The following MLLT1 variants were observed in gnomAD, a reference collection of about 807,000 sequenced individuals.
MLLT1 encodes the protein MLLT1 super elongation complex subunit.
A neutral mutation model predicts 55.1 loss-of-function variants in MLLT1; 11 were observed. That is an observed-to-expected ratio of 0.20 (90% confidence interval 0.13 to 0.33). The LOEUF (loss-of-function observed/expected upper bound fraction) is 0.33, where lower values mean the gene tolerates loss of function less well. Among genes scored for constraint, MLLT1 ranks in the 10% least tolerant of loss-of-function variants. The pLI, the probability that MLLT1 is intolerant of heterozygous loss-of-function variation, is 1.00. For synonymous variants in MLLT1, 323 were observed against 320.1 expected (o/e 1.01, Z -0.10); for missense variants, 536 against 760.6 (o/e 0.70, Z 3.47).
In MLLT1 at chr19:6,219,192, G is replaced by A. The variant is rs1336771245; in HGVS notation, c.1111-1151C>T. 4.6e-5 allele frequency among the ~76,000 whole-genome samples: 7 copies of A among 152,122 alleles called. No individual in the cohort carries two copies. The East Asian group carries it at 7.7e-4, about 17-fold the overall frequency. On this transcript the variant is annotated intron_variant, in intron 6 of 11. Transcript: ENST00000252674. This position sits in a 1 kb window ranked among gnomAD's most constrained non-coding sequence, Gnocchi z 4.5. Reference sequence around the variant, plus strand: ...CCAAGCAGCAGGTCCAGACTCACCCGTGCCTGAGAGGGAAGAGGGACTTCC... The same window carrying A: ...CCAAGCAGCAGGTCCAGACTCACCCATGCCTGAGAGGGAAGAGGGACTTCC...
At chr19:6,274,178 C>T (rs999741591) in intron 1 of MLLT1, among the ~76,000 whole-genome samples, 15 of 152,328 alleles carry the variant, frequency 9.8e-5, no homozygotes, top group Middle Eastern at 3.4e-3. Flanking sequence ...GACTGTGGAG[C>T]GCTGAGGGGG....
rs116275811 is a variant in MLLT1, at chr19:6,276,909, G to A, written c.12+2864C>T. 7.1e-4 allele frequency among the ~76,000 whole-genome samples: 108 copies of A among 152,282 alleles called. 1 individual carries two copies. The highest frequency in any genetic ancestry group is 2.6e-3 in the African/African-American group (107 of 41,542). ...GAAGCTGGGAGCCCAGAGCACAGTG[G>A]GAAATCCTGCTTCTTAGGGGGGTCT... On this transcript the variant is annotated intron_variant, in intron 1 of 11. Coordinates refer to ENST00000252674, the MANE Select transcript of MLLT1 (RefSeq NM_005934.4).
intron 2 of MLLT1, among the ~76,000 whole-genome samples, chr19:6,264,929 GAA>G (rs201284176): frequency 9.3e-6 from 1 of 107,364 alleles, no homozygotes. Flanking sequence ...ATCCCAGAAA[GAA>G]AAAAAGAGAG....
intron 3 of MLLT1, among the ~76,000 whole-genome samples, chr19:6,258,010 A>G (rs1172483213): frequency 6.6e-6 from 1 of 152,220 alleles, no homozygotes; most frequent in Non-Finnish European, 1.5e-5. Context: ...GGATCTGGAG[A>G]AACAGGAACC....
intron 3 of MLLT1, among the ~76,000 whole-genome samples, chr19:6,247,876 T>C (rs2091182235): frequency 6.8e-6 from 1 of 147,346 alleles, no homozygotes. Context: ...CATTTTGGTG[T>C]TTTGTTTGTT....
chr19:6,225,995 T>A (rs4807065), intron 5 of MLLT1, among the ~76,000 whole-genome samples: 45,221 of 152,098 alleles, frequency 0.3, 7,939 homozygotes, highest in African/African-American at 0.48. Context: ...ACTCAGAGAA[T>A]CTGGCAAGTC....
At chr19:6,238,576 G>C (rs1174072836) in intron 3 of MLLT1, among the ~76,000 whole-genome samples, 2 of 152,360 alleles carry the variant, frequency 1.3e-5, no homozygotes, top group African/African-American at 4.8e-5. Context: ...GAATTAAATA[G>C]ATAAGCTTGG....
chr19:6,237,590 T>A, intron 3 of MLLT1, among the ~76,000 whole-genome samples: 1 of 139,210 alleles, frequency 7.2e-6, no homozygotes. Context: ...ACCCCATCTC[T>A]ACTAAAAATA....
Position 6,270,661 on chromosome 19 carries a change from G to A in MLLT1, c.111C>T (p.Arg37=), listed in dbSNP as rs763983117. The change falls in exon 2 of 12, where the codon CGC becomes CGT. Residue 37 remains arginine (R), a synonymous_variant. Transcript: ENST00000252674. This position sits in a 1 kb window ranked among gnomAD's most constrained non-coding sequence, Gnocchi z 7.1. ...GFTHDWMVFV[R]GPEQCDIQHF... is the part of the protein sequence containing the mutation. Reference sequence around the variant, plus strand: ...GCTGGATGTCACATTGCTCGGGGCCGCGGACAAACACCATCCAGTCGTGAG... The same window carrying A: ...GCTGGATGTCACATTGCTCGGGGCCACGGACAAACACCATCCAGTCGTGAG... The A allele has an allele frequency of 4.7e-5, 76 of 1,613,882 alleles. No homozygotes were observed. The highest frequency in any genetic ancestry group is 1.2e-4 in the Admixed American group (7 of 60,004).
intron 3 of MLLT1, among the ~76,000 whole-genome samples, chr19:6,239,449 C>T (rs2091094574): frequency 6.6e-6 from 1 of 152,176 alleles, no homozygotes; most frequent in South Asian, 2.1e-4. Flanking sequence ...CGACATGGAC[C>T]CTGGCCAGAA....
At chr19:6,252,459 A>G (rs1257106989) in intron 3 of MLLT1, among the ~76,000 whole-genome samples, 1 of 152,110 alleles carries the variant, frequency 6.6e-6, no homozygotes, top group South Asian at 2.1e-4. Flanking sequence ...TTGTCTGGAG[A>G]AAAAACCCCA....
chr19:6,275,586 C>T (rs1177210847), intron 1 of MLLT1, among the ~76,000 whole-genome samples: 2 of 152,204 alleles, frequency 1.3e-5, no homozygotes, highest in Non-Finnish European at 2.9e-5. Flanking sequence ...GAGCTGCCCA[C>T]CCAGAAGGCA....
chr19:6,248,367 T>C (rs1256818977), intron 3 of MLLT1, among the ~76,000 whole-genome samples: 2 of 152,204 alleles, frequency 1.3e-5, no homozygotes, highest in Admixed American at 6.5e-5. Context: ...GGTTAATTCC[T>C]CTCCCTTGAG....
In MLLT1 at chr19:6,273,782, A is replaced by T. The variant is rs921942200; in HGVS notation, c.13-3023T>A. 6.6e-6 allele frequency among the ~76,000 whole-genome samples: 1 copy of T among 152,212 alleles called. No homozygotes were observed. Among genetic ancestry groups the T allele is most frequent in the African/African-American group, 2.4e-5 (1 of 41,436 alleles). On this transcript the variant is annotated intron_variant, in intron 1 of 11. Transcript: ENST00000252674. The surrounding 1 kb of genome is among the most constrained non-coding windows in gnomAD (Gnocchi z 4.3). ...GTGGAGCTGACTCCCACACAATGAC[A>T]GTGTCTCCTCGGAATCGCTTATTCA...
chr19:6,242,230 GA>G, intron 3 of MLLT1, among the ~76,000 whole-genome samples: 1 of 152,210 alleles, frequency 6.6e-6, no homozygotes, highest in Non-Finnish European at 1.5e-5. Context: ...CCACTCTACA[GA>G]GGGTGGCGGC....
At chr19:6,216,248 A>AGG (rs986145435) in intron 8 of MLLT1, among the ~76,000 whole-genome samples, 157 bp downstream of exon 8, 18 of 152,256 alleles carry the variant, frequency 1.2e-4, no homozygotes, top group African/African-American at 3.1e-4. Flanking sequence ...CCCAAGGCCC[A>AGG]GGCTGGACTG....
intron 6 of MLLT1, among the ~76,000 whole-genome samples, chr19:6,220,364 G>C (rs1249627748): frequency 6.6e-6 from 1 of 152,252 alleles, no homozygotes; most frequent in Non-Finnish European, 1.5e-5. Context: ...CTCCCGCACA[G>C]ACCTCGGGGC....
chr19:6,252,669 A>G (rs1434555729), intron 3 of MLLT1, among the ~76,000 whole-genome samples: 1 of 152,242 alleles, frequency 6.6e-6, no homozygotes, highest in African/African-American at 2.4e-5. Context: ...CTACACCCTA[A>G]GGAATTAGAA....
intron 3 of MLLT1, among the ~76,000 whole-genome samples, chr19:6,237,483 C>T (rs1045188022): frequency 2.0e-5 from 3 of 151,978 alleles, no homozygotes; most frequent in Non-Finnish European, 2.9e-5. Flanking sequence ...TTTGGCCAGG[C>T]GCGGTGGCTC....
Sources: gnomAD v4.1 joint callset for allele counts (sites outside exome capture counted in the v4.1 genomes callset) on GRCh38, gnomAD v4.1.1 for gene constraint, Gnocchi (gnomAD v3.1) non-coding constraint, MANE v1.5 for transcripts, NCBI Gene and HGNC (gene_info 2026-07-23, HGNC 2026-07-21) for gene names.